Variants in SPATA31H1 observed in about 807,000 individuals in gnomAD.
SPATA31H1 encodes the protein spermatogenesis-associated protein 31H1.
the SPATA31H1 span, among the ~76,000 whole-genome samples, chr2:27,541,692 T>A: frequency 1.3e-5 from 2 of 151,986 alleles, no homozygotes; most frequent in African/African-American, 4.8e-5. Flanking sequence ...CTTGTAAAAT[T>A]TCTGTGGAGA....
chr2:27,577,006 A>T, the SPATA31H1 span: 1 of 1,614,078 alleles, frequency 6.2e-7, no homozygotes, highest in Non-Finnish European at 8.5e-7. The surrounding 1 kb of genome is among the most constrained non-coding windows in gnomAD (Gnocchi z 4.5). Flanking sequence ...CAAATCCCTA[A>T]ATCTGCAAAT....
At chr2:27,573,243 T>C in the SPATA31H1 span, 36 of 397,896 alleles carry the variant, frequency 9.0e-5, no homozygotes, top group East Asian at 9.3e-4. Flanking sequence ...AGGACCACAG[T>C]TGCAGAAAGG....
the SPATA31H1 span, chr2:27,572,673 G>A: frequency 2.5e-6 from 1 of 398,190 alleles, no homozygotes; most frequent in Non-Finnish European, 4.4e-6. Flanking sequence ...TGTGAAATCT[G>A]TGCAGTGGAT....
chr2:27,576,612 T>G, the SPATA31H1 span: 1 of 1,605,380 alleles, frequency 6.2e-7, no homozygotes, highest in Non-Finnish European at 8.5e-7. Context: ...AGGTATAAAT[T>G]ATCAAGAGTT....
the SPATA31H1 span, chr2:27,571,611 T>A: frequency 2.5e-6 from 1 of 398,350 alleles, no homozygotes; most frequent in Non-Finnish European, 4.4e-6. Context: ...ACCAGGGCCA[T>A]TGCTTCAAGG....
the SPATA31H1 span, chr2:27,577,711 C>T: frequency 1.2e-6 from 2 of 1,614,058 alleles, no homozygotes; most frequent in Non-Finnish European, 1.7e-6. This position sits in a 1 kb window ranked among gnomAD's most constrained non-coding sequence, Gnocchi z 4.5. Context: ...CAATTAACCC[C>T]CAAACCACAG....
At chr2:27,578,688 G>C in the SPATA31H1 span, 2 of 1,614,112 alleles carry the variant, frequency 1.2e-6, no homozygotes, top group Non-Finnish European at 1.7e-6. Flanking sequence ...TTTGAATCTA[G>C]GACACGTGTG....
the SPATA31H1 span, chr2:27,576,859 G>C: frequency 1.2e-6 from 2 of 1,614,050 alleles, no homozygotes; most frequent in Non-Finnish European, 1.7e-6. Context: ...TTAGCACCAG[G>C]GTCACTGCCT....
At chr2:27,551,075 A>G in the SPATA31H1 span, among the ~76,000 whole-genome samples, 2 of 151,798 alleles carry the variant, frequency 1.3e-5, no homozygotes, top group African/African-American at 4.9e-5. Flanking sequence ...TTTTTAGTAG[A>G]GACAGGGTTT....
chr2:27,545,585 T>TTC, the SPATA31H1 span, among the ~76,000 whole-genome samples: 1 of 151,170 alleles, frequency 6.6e-6, no homozygotes, highest in African/African-American at 2.4e-5. Flanking sequence ...TTTTCTTTTT[T>TTC]TTTTTTTTGA....
At chr2:27,573,886 C>A in the SPATA31H1 span, 3 of 398,386 alleles carry the variant, frequency 7.5e-6, no homozygotes, top group Non-Finnish European at 8.8e-6. Context: ...AGCAAGAAAT[C>A]ATCTGAATTG....
the SPATA31H1 span, among the ~76,000 whole-genome samples, chr2:27,564,250 A>G: frequency 5.3e-5 from 8 of 152,062 alleles, no homozygotes; most frequent in African/African-American, 1.9e-4. Context: ...TGTGGTGGGC[A>G]GATTTTTTCC....
chr2:27,578,705 T>C, the SPATA31H1 span: 5 of 1,614,160 alleles, frequency 3.1e-6, no homozygotes, highest in African/African-American at 1.3e-5. Context: ...TGTGTCAGAA[T>C]AGGGACTGTC....
chr2:27,567,187 C>T, the SPATA31H1 span: 7 of 642,550 alleles, frequency 1.1e-5, no homozygotes, highest in African/African-American at 5.5e-5. Flanking sequence ...AGTCATTTGA[C>T]ATCAGATCAT....
At chr2:27,568,408 G>T in the SPATA31H1 span, 5 of 398,848 alleles carry the variant, frequency 1.3e-5, no homozygotes, top group Non-Finnish European at 2.2e-5. Flanking sequence ...GGGCTAATAT[G>T]TCAAGACACA....
the SPATA31H1 span, chr2:27,580,960 G>A: frequency 6.2e-7 from 1 of 1,614,156 alleles, no homozygotes; most frequent in East Asian, 2.2e-5. Context: ...TCCCAAAGTG[G>A]TATTGCTTTC....
At chr2:27,540,882 A>G in the SPATA31H1 span, among the ~76,000 whole-genome samples, 12 of 97,680 alleles carry the variant, frequency 1.2e-4, no homozygotes, top group South Asian at 3.9e-4. Context: ...GCGGCCGGGC[A>G]GAGACGCTCC....
the SPATA31H1 span, among the ~76,000 whole-genome samples, chr2:27,545,515 G>A: frequency 6.6e-5 from 10 of 151,564 alleles, no homozygotes; most frequent in Non-Finnish European, 1.3e-4. Flanking sequence ...CAAGAATAGC[G>A]TCTGAGAATT....
chr2:27,579,765 C>A, the SPATA31H1 span: 1 of 1,614,160 alleles, frequency 6.2e-7, no homozygotes, highest in Non-Finnish European at 8.5e-7. Flanking sequence ...TGAGTCCCAA[C>A]ACTCCCTCAA....
Sources: allele counts gnomAD v4.1 joint callset (sites outside exome capture counted in the v4.1 genomes callset), GRCh38; gene constraint gnomAD v4.1.1; non-coding constraint Gnocchi (gnomAD v3.1); transcripts MANE v1.5; gene names NCBI Gene and HGNC (gene_info 2026-07-23, HGNC 2026-07-21).